APPBP2: variants seen among roughly 807,000 people sequenced by gnomAD.
APPBP2 encodes amyloid beta precursor protein binding protein 2.
Under a neutral mutation model 76.0 loss-of-function variants are expected in APPBP2, and 15 were observed. The ratio of observed to expected loss-of-function variants is 0.20; its 90% CI spans 0.13 to 0.30. The LOEUF (loss-of-function observed/expected upper bound fraction) is 0.30, where lower values mean the gene tolerates loss of function less well. APPBP2 is among the 10% of genes least tolerant of loss of function. The pLI is 1.00. For synonymous variants in APPBP2, 222 were observed against 242.2 expected (o/e 0.92, Z 0.77); for missense variants, 401 against 687.2 (o/e 0.58, Z 4.66).
At chr17:60,451,841 T>C in intron 12 of APPBP2, 39 bp downstream of exon 12, 1 of 1,515,854 alleles carries the variant, frequency 6.6e-7, no homozygotes, top group South Asian at 1.2e-5. Context: ...CATGTTGATT[T>C]GTAATCAACT....
At chr17:60,492,357 C>A (rs546913283) in intron 3 of APPBP2, among the ~76,000 whole-genome samples, 1 of 152,308 alleles carries the variant, frequency 6.6e-6, no homozygotes, top group South Asian at 2.1e-4. Context: ...CCTAGTGGAG[C>A]TATGAGAAGA....
At position 60,523,391 on chromosome 17, in the gene APPBP2, G is replaced by A. The variant is rs894598416; in HGVS notation, c.138+2403C>T. Among the ~76,000 whole-genome samples the A allele has an allele frequency of 3.9e-5, 6 of 152,210 alleles. 1 individual carries two copies. In the South Asian group the frequency reaches 1.2e-3, roughly 32 times the overall value. ...ATACACCTGTAGTTCCAGCTACTCA[G>A]GAGGCTGAGATGGAAAGACTGCTTA... On this transcript the variant is annotated intron_variant, in intron 1 of 12. Coordinates refer to ENST00000083182, the MANE Select transcript of APPBP2 (RefSeq NM_006380.5).
At chr17:60,449,200 G>A (rs963669007) in intron 12 of APPBP2, among the ~76,000 whole-genome samples, 9 of 152,198 alleles carry the variant, frequency 5.9e-5, no homozygotes, top group African/African-American at 1.9e-4. Flanking sequence ...ACATGCACTT[G>A]AGGAATGAGC....
At chr17:60,514,063 T>G (rs896952489) in intron 1 of APPBP2, among the ~76,000 whole-genome samples, 3 of 149,680 alleles carry the variant, frequency 2.0e-5, no homozygotes, top group Non-Finnish European at 3.0e-5. Flanking sequence ...TCCCAACATT[T>G]TGAAAGGCTG....
At chr17:60,514,753 T>G (rs539353670) in intron 1 of APPBP2, among the ~76,000 whole-genome samples, 7 of 152,284 alleles carry the variant, frequency 4.6e-5, no homozygotes, top group Non-Finnish European at 1.0e-4. Context: ...TATGAGTGAT[T>G]TGAATTTTTA....
intron 4 of APPBP2, among the ~76,000 whole-genome samples, chr17:60,467,026 GCTGA>G (rs1234271302): frequency 6.6e-6 from 1 of 150,962 alleles, no homozygotes; most frequent in African/African-American, 2.5e-5. Context: ...GTACAACTAT[GCTGA>G]CTATTTAATG....
intron 1 of APPBP2, among the ~76,000 whole-genome samples, chr17:60,515,720 T>G (rs951225901): frequency 2.0e-5 from 3 of 152,238 alleles, no homozygotes; most frequent in African/African-American, 4.8e-5. Flanking sequence ...CTGCTAGATA[T>G]TCTTAATTTG....
intron 1 of APPBP2, among the ~76,000 whole-genome samples, chr17:60,520,692 T>C (rs184674125): frequency 6.1e-4 from 93 of 151,492 alleles, no homozygotes; most frequent in Admixed American, 2.0e-3. Context: ...AAACACAAAA[T>C]AGACCTTCAG....
At chr17:60,500,072 C>A (rs566717598) in intron 2 of APPBP2, among the ~76,000 whole-genome samples, 1 of 149,076 alleles carries the variant, frequency 6.7e-6, no homozygotes, top group East Asian at 2.0e-4. Context: ...AGTGCAGTGG[C>A]GCGATCTTGG....
intron 9 of APPBP2, among the ~76,000 whole-genome samples, chr17:60,458,018 T>C (rs1289975546): frequency 1.3e-5 from 2 of 152,236 alleles, no homozygotes; most frequent in African/African-American, 4.8e-5. Context: ...GATTTGCCTA[T>C]TCTGGACATA....
intron 1 of APPBP2, among the ~76,000 whole-genome samples, chr17:60,515,590 T>C (rs2143493853): frequency 6.6e-6 from 1 of 152,324 alleles, no homozygotes; most frequent in African/African-American, 2.4e-5. Flanking sequence ...GTCACTACTG[T>C]CCAAGAATAG....
chr17:60,511,239 G>A (rs1230910625), intron 1 of APPBP2, among the ~76,000 whole-genome samples: 1 of 152,166 alleles, frequency 6.6e-6, no homozygotes, highest in Non-Finnish European at 1.5e-5. Context: ...CCAATATGTG[G>A]TGAAAATCGG....
At chr17:60,458,332 G>A (rs1051839499) in intron 9 of APPBP2, among the ~76,000 whole-genome samples, 6 of 151,978 alleles carry the variant, frequency 3.9e-5, no homozygotes, top group Non-Finnish European at 8.8e-5. Flanking sequence ...TACTCAGGTG[G>A]CTGAGACAGG....
intron 1 of APPBP2, among the ~76,000 whole-genome samples, chr17:60,518,068 C>CG (rs1418644039): frequency 0.094 from 11,464 of 122,350 alleles, 1,550 homozygotes; most frequent in African/African-American, 0.3. Flanking sequence ...TTACAATTTC[C>CG]TTTTTTTTTT....
At chr17:60,455,507 T>C (rs2090424615) in intron 10 of APPBP2, among the ~76,000 whole-genome samples, 1 of 152,158 alleles carries the variant, frequency 6.6e-6, no homozygotes, top group Non-Finnish European at 1.5e-5. Context: ...AATAAATGCA[T>C]TACGTGAAAA....
chr17:60,476,641 C>A (rs1351674513), intron 4 of APPBP2, among the ~76,000 whole-genome samples: 3 of 152,180 alleles, frequency 2.0e-5, no homozygotes, highest in Non-Finnish European at 4.4e-5. Context: ...GGTATACAGG[C>A]AGTGAGCTGG....
intron 1 of APPBP2, among the ~76,000 whole-genome samples, chr17:60,505,824 C>T (rs1005514288): frequency 2.0e-5 from 3 of 151,094 alleles, no homozygotes; most frequent in East Asian, 3.9e-4. Context: ...GCTGGGATTA[C>T]AGGCGCCCGC....
chr17:60,481,319 AG>A (rs1296592811), intron 3 of APPBP2, among the ~76,000 whole-genome samples: 6 of 152,210 alleles, frequency 3.9e-5, no homozygotes, highest in Non-Finnish European at 8.8e-5. Flanking sequence ...GGCCAGGTAC[AG>A]TGGCTCATGC....
chr17:60,464,248 G>A (rs1243951834), intron 5 of APPBP2, 138 bp from the exon 6 acceptor site: 2 of 647,416 alleles, frequency 3.1e-6, no homozygotes, highest in Non-Finnish European at 5.4e-6. Context: ...ATTTTCTGAG[G>A]CTAAACTTTC....
Sources: allele counts gnomAD v4.1 joint callset (sites outside exome capture counted in the v4.1 genomes callset), GRCh38; gene constraint gnomAD v4.1.1; transcripts MANE v1.5; gene names NCBI Gene and HGNC (gene_info 2026-07-23, HGNC 2026-07-21).